The following MACROD2 variants were observed in gnomAD, a reference collection of about 807,000 sequenced individuals.
MACROD2 encodes ADP-ribose glycohydrolase MACROD2.
In MACROD2, 36 loss-of-function variants were observed where a neutral mutation model predicts 70.4. The ratio of observed to expected loss-of-function variants is 0.51; its 90% CI spans 0.39 to 0.68. The LOEUF is 0.68. Ranked by LOEUF, MACROD2 falls within the 30% of genes least tolerant of loss-of-function variation. MACROD2 has a pLI of 0.00. For missense variants in MACROD2, 496 were observed against 538.4 expected (o/e 0.92, Z 0.78); for synonymous variants, 172 against 178.8 (o/e 0.96, Z 0.30).
At chr20:14,591,772 C>T (rs554223133) in intron 4 of MACROD2, among the ~76,000 whole-genome samples, 4 of 152,306 alleles carry the variant, frequency 2.6e-5, no homozygotes, top group African/African-American at 9.6e-5. Context: ...TATTACAACA[C>T]ACTTTCGCTG....
At chr20:15,626,913 T>C (rs2049211795) in intron 8 of MACROD2, among the ~76,000 whole-genome samples, 1 of 151,782 alleles carries the variant, frequency 6.6e-6, no homozygotes, top group Non-Finnish European at 1.5e-5. Flanking sequence ...GAGGCCATTG[T>C]CACAAAGGAG....
At chr20:14,093,453 A>G (rs775906732) in intron 3 of MACROD2, among the ~76,000 whole-genome samples, 1 of 152,162 alleles carries the variant, frequency 6.6e-6, no homozygotes, top group Non-Finnish European at 1.5e-5. Flanking sequence ...TTTCAGAACT[A>G]GATTGTCTAT....
At chr20:15,942,010 G>A (rs1488142339) in intron 12 of MACROD2, among the ~76,000 whole-genome samples, 1 of 152,158 alleles carries the variant, frequency 6.6e-6, no homozygotes, top group African/African-American at 2.4e-5. Context: ...TCACTTTGGA[G>A]ACCAGATATT....
intron 7 of MACROD2, among the ~76,000 whole-genome samples, chr20:15,463,140 G>T (rs1332316479): frequency 1.3e-5 from 2 of 152,170 alleles, no homozygotes; most frequent in African/African-American, 2.4e-5. Flanking sequence ...GGAGATCATG[G>T]TTAATGAGTT....
chr20:15,492,543 T>C (rs1488511667), intron 7 of MACROD2, among the ~76,000 whole-genome samples: 3 of 152,196 alleles, frequency 2.0e-5, no homozygotes, highest in Non-Finnish European at 2.9e-5. Flanking sequence ...AAAAATATTA[T>C]GGCTATGTTC....
intron 5 of MACROD2, among the ~76,000 whole-genome samples, chr20:14,754,013 A>G (rs2071908760): frequency 1.3e-5 from 2 of 152,118 alleles, no homozygotes; most frequent in Non-Finnish European, 2.9e-5. Flanking sequence ...AACAACCAAA[A>G]TGGGAATGGA....
intron 2 of MACROD2, among the ~76,000 whole-genome samples, chr20:14,045,082 G>C (rs1435563119): frequency 2.0e-5 from 3 of 152,180 alleles, no homozygotes; most frequent in African/African-American, 7.2e-5. Context: ...TCCGAGTGCG[G>C]GGCCCGAGGA....
chr20:14,943,356 A>AT (rs542243403), intron 5 of MACROD2, among the ~76,000 whole-genome samples: 188 of 148,700 alleles, frequency 1.3e-3, no homozygotes, highest in East Asian at 0.012. Context: ...TATAGTACAG[A>AT]TTTTTTTTTT....
At chr20:14,414,120 G>A (rs527380293) in intron 3 of MACROD2, among the ~76,000 whole-genome samples, 29 of 152,144 alleles carry the variant, frequency 1.9e-4, no homozygotes, top group Admixed American at 1.1e-3. Flanking sequence ...TATCTATGGC[G>A]TGTATTGCTC....
intron 15 of MACROD2, among the ~76,000 whole-genome samples, chr20:16,020,374 G>A (rs1367363472): frequency 2.6e-5 from 4 of 151,758 alleles, no homozygotes; most frequent in Admixed American, 2.6e-4. Context: ...ACTTTGTCTG[G>A]AAATATCTCC....
At chr20:15,892,222 G>A (rs751923611) in intron 10 of MACROD2, among the ~76,000 whole-genome samples, 7 of 152,148 alleles carry the variant, frequency 4.6e-5, no homozygotes, top group South Asian at 4.1e-4. Context: ...AAGATGCCAC[G>A]TAGGCTGTTG....
chr20:14,868,716 A>C (rs2073454871), intron 5 of MACROD2, among the ~76,000 whole-genome samples: 1 of 152,246 alleles, frequency 6.6e-6, no homozygotes, highest in South Asian at 2.1e-4. Context: ...TTTCCTTTCA[A>C]CATATTACAG....
At chr20:15,302,847 A>G (rs2077660271) in intron 6 of MACROD2, among the ~76,000 whole-genome samples, 1 of 152,198 alleles carries the variant, frequency 6.6e-6, no homozygotes, top group African/African-American at 2.4e-5. Context: ...CTCAACTACT[A>G]TAGAAATTGA....
intron 8 of MACROD2, among the ~76,000 whole-genome samples, chr20:15,829,205 G>T (rs2064028780): frequency 6.6e-6 from 1 of 151,856 alleles, no homozygotes; most frequent in Admixed American, 6.6e-5. Flanking sequence ...CTAGAACTTT[G>T]CCTATGCTGC....
chr20:15,575,944 A>G (rs749566049), intron 8 of MACROD2, among the ~76,000 whole-genome samples: 1 of 152,136 alleles, frequency 6.6e-6, no homozygotes, highest in Non-Finnish European at 1.5e-5. Context: ...CATTTCAATC[A>G]TTTGCTCTAT....
intron 2 of MACROD2, among the ~76,000 whole-genome samples, chr20:14,010,604 A>G (rs773434132): frequency 6.6e-6 from 1 of 151,784 alleles, no homozygotes; most frequent in Non-Finnish European, 1.5e-5. Context: ...AATAATAGGA[A>G]CCCTTCTGCC....
At chr20:15,826,040 C>A (rs2063994025) in intron 8 of MACROD2, among the ~76,000 whole-genome samples, 1 of 152,206 alleles carries the variant, frequency 6.6e-6, no homozygotes, top group African/African-American at 2.4e-5. Context: ...CCAGTGGAAA[C>A]AACTGATTCA....
intron 3 of MACROD2, among the ~76,000 whole-genome samples, chr20:14,371,923 T>C (rs925629912): frequency 6.6e-6 from 1 of 152,032 alleles, no homozygotes; most frequent in Non-Finnish European, 1.5e-5. Context: ...CCTTACCACA[T>C]TAGCTCCCCC....
chr20:15,120,067 T>C (rs1358139312), intron 5 of MACROD2, among the ~76,000 whole-genome samples: 3 of 152,242 alleles, frequency 2.0e-5, no homozygotes, highest in African/African-American at 7.2e-5. Flanking sequence ...ATAAAGTTGC[T>C]GCTGCTTGCA....
Sources: gnomAD v4.1 joint callset for allele counts (sites outside exome capture counted in the v4.1 genomes callset) on GRCh38, gnomAD v4.1.1 for gene constraint, MANE v1.5 for transcripts, NCBI Gene and HGNC (gene_info 2026-07-23, HGNC 2026-07-21) for gene names.